Variants in GAP43 observed in about 807,000 individuals in gnomAD.
GAP43 encodes the protein neuromodulin.
A neutral mutation model predicts 18.6 loss-of-function variants in GAP43; 6 were observed. That is an observed-to-expected ratio of 0.32 (90% CI 0.18 to 0.64). The LOEUF (loss-of-function observed/expected upper bound fraction) is 0.64. Ranked by LOEUF, GAP43 falls within the 30% of genes least tolerant of loss-of-function variation. The probability of loss-of-function intolerance (pLI) is 0.78; values close to 1 mark genes in which losing one functional copy is unlikely to be tolerated. For missense variants in GAP43, 292 were observed against 295.5 expected (o/e 0.99, Z 0.09); for synonymous variants, 115 against 111.4 (o/e 1.03, Z -0.20).
chr3:115,644,547 T>C lies in GAP43; in HGVS notation c.30+20828T>C, dbSNP rs1457509231. Among the ~76,000 whole-genome samples the C allele has an allele frequency of 2.6e-5, 4 of 151,976 alleles. No individual in the cohort carries two copies. The highest frequency in any genetic ancestry group is 5.9e-5 in the Non-Finnish European group (4 of 67,960). On this transcript the variant is annotated intron_variant, in intron 1 of 2. Transcript: ENST00000305124. The surrounding 1 kb of genome is among the most constrained non-coding windows in gnomAD (Gnocchi z 4.2). ...TGGCAAAAACATTCCAAGATAAAAA[T>C]AGCAAGATCTTCTAGAAAAGATTTA...
At chr3:115,646,986 A>G (rs950941930) in intron 1 of GAP43, among the ~76,000 whole-genome samples, 1 of 151,872 alleles carries the variant, frequency 6.6e-6, no homozygotes, top group African/African-American at 2.4e-5. Context: ...CCCCACCAAC[A>G]AGGAGGGTGC....
In GAP43 at chr3:115,653,943, C is replaced by T. The variant is rs28370264; in HGVS notation, c.31-22070C>T. ...AATTAGCCCTAATGAACATTTTCTA[C>T]AATACATGGATCAAGAGTAGAGAGG... On this transcript the variant is annotated intron_variant, in intron 1 of 2. Transcript: ENST00000305124. Among the ~76,000 whole-genome samples, 769 of 152,178 alleles carry T rather than the reference C, an allele frequency of 5.1e-3. 6 individuals are homozygous for T. Among genetic ancestry groups the T allele is most frequent in the African/African-American group, 0.018 (736 of 41,500 alleles).
chr3:115,680,397 A>C (rs1178830303), intron 2 of GAP43, among the ~76,000 whole-genome samples: 1 of 152,152 alleles, frequency 6.6e-6, no homozygotes, highest in Non-Finnish European at 1.5e-5. Flanking sequence ...TCAAGGCTGC[A>C]GTGAGCCATT....
At chr3:115,643,126 C>T (rs956258658) in intron 1 of GAP43, among the ~76,000 whole-genome samples, 3 of 152,056 alleles carry the variant, frequency 2.0e-5, no homozygotes, top group Non-Finnish European at 2.9e-5. Flanking sequence ...CAGGCTGCCT[C>T]TACTTAGAAA....
chr3:115,657,307 T>C (rs770296653), intron 1 of GAP43, among the ~76,000 whole-genome samples: 24 of 152,140 alleles, frequency 1.6e-4, no homozygotes, highest in Admixed American at 1.3e-4. Flanking sequence ...TAGGTGTGTG[T>C]TCACCCCCAG....
chr3:115,642,034 A>G (rs1249355646), intron 1 of GAP43, among the ~76,000 whole-genome samples: 1 of 152,028 alleles, frequency 6.6e-6, no homozygotes, highest in Non-Finnish European at 1.5e-5. Context: ...TTTATGCTCA[A>G]GGCCATTCAA....
rs746404947 is a variant in GAP43, at chr3:115,676,185, A to G, written c.203A>G (p.Lys68Arg). Residue 68 changes from lysine to arginine, a missense_variant, in exon 2 of 3, where the codon AAG (lysine) becomes AGG (arginine). By Grantham distance (26) the Lys-to-Arg change is conservative. Transcript: ENST00000305124. ...DVQAAEAEAN[K>R]KDEAPVADGV... The stretch of plus-strand genomic sequence containing the variant: ...CAAGCTGCTGAGGCTGAAGCTAATA[A>G]GAAGGATGAAGCCCCTGTTGCCGAT... The G allele has an allele frequency of 5.0e-6, 8 of 1,614,060 alleles. No individual in the cohort carries two copies. The highest frequency in any genetic ancestry group is 2.7e-5 in the African/African-American group (2 of 74,922).
intron 1 of GAP43, among the ~76,000 whole-genome samples, chr3:115,647,370 A>G (rs1438053791): frequency 6.6e-6 from 1 of 152,084 alleles, no homozygotes; most frequent in Non-Finnish European, 1.5e-5. Flanking sequence ...TTCTAATAGC[A>G]GTGGGAACTA....
At chr3:115,649,811 A>AG (rs1708500273) in intron 1 of GAP43, among the ~76,000 whole-genome samples, 1 of 85,890 alleles carries the variant, frequency 1.2e-5, no homozygotes, top group African/African-American at 3.9e-5. Context: ...CCCTGTCTCT[A>AG]AAAAAAAAAA....
intron 1 of GAP43, among the ~76,000 whole-genome samples, chr3:115,646,117 C>T (rs1182525968): frequency 1.3e-5 from 2 of 152,088 alleles, no homozygotes; most frequent in African/African-American, 4.8e-5. Flanking sequence ...CTAAGAATCT[C>T]CTATTATTCT....
intron 2 of GAP43, among the ~76,000 whole-genome samples, chr3:115,700,297 T>C (rs982254456): frequency 3.3e-5 from 5 of 152,176 alleles, no homozygotes; most frequent in Non-Finnish European, 7.3e-5. Flanking sequence ...GCCTGGCCAA[T>C]ATGAATAATG....
At chr3:115,719,177 A>G (rs1374295291) in intron 2 of GAP43, among the ~76,000 whole-genome samples, 2 of 152,216 alleles carry the variant, frequency 1.3e-5, no homozygotes, top group Non-Finnish European at 2.9e-5. Flanking sequence ...CTTTCCAAGA[A>G]TAATCAGCAC....
chr3:115,641,403 TACAC>T (rs1708393687), intron 1 of GAP43, among the ~76,000 whole-genome samples: 1 of 151,484 alleles, frequency 6.6e-6, no homozygotes, highest in African/African-American at 2.4e-5. Context: ...TGTGTATACA[TACAC>T]ACATAGGGGT....
chr3:115,629,397 GC>G (rs1290416078), intron 1 of GAP43, among the ~76,000 whole-genome samples: 1 of 141,114 alleles, frequency 7.1e-6, no homozygotes, highest in Non-Finnish European at 1.5e-5. Flanking sequence ...AATTCCAACA[GC>G]CCCCCTGCTC....
At chr3:115,674,743 C>T (rs28399386) in intron 1 of GAP43, among the ~76,000 whole-genome samples, 40 of 152,108 alleles carry the variant, frequency 2.6e-4, no homozygotes, top group Non-Finnish European at 5.1e-4. Context: ...TTGGACCACA[C>T]GCAAGAGAAA....
chr3:115,646,851 T>G (rs1708464017), intron 1 of GAP43, among the ~76,000 whole-genome samples: 1 of 151,972 alleles, frequency 6.6e-6, no homozygotes, highest in Non-Finnish European at 1.5e-5. Context: ...TCACTTCACT[T>G]TATATATTAA....
At chr3:115,689,958 G>C (rs748484208) in intron 2 of GAP43, among the ~76,000 whole-genome samples, 1 of 152,190 alleles carries the variant, frequency 6.6e-6, no homozygotes, top group Admixed American at 6.5e-5. Flanking sequence ...TGAAGAGCAG[G>C]GGAAGGCACT....
chr3:115,665,993 TGTGTGTGTGTGTGTGTG>T (rs1708728351), intron 1 of GAP43, among the ~76,000 whole-genome samples: 3 of 139,358 alleles, frequency 2.2e-5, no homozygotes, highest in South Asian at 2.3e-4. Context: ...TAAATGAGTG[TGTGTGTGTGTGTGTGTG>T]TGTGTGTGTG....
intron 1 of GAP43, among the ~76,000 whole-genome samples, chr3:115,667,202 A>G (rs1708745102): frequency 1.3e-5 from 2 of 152,208 alleles, no homozygotes; most frequent in African/African-American, 4.8e-5. Flanking sequence ...AAAAACAGAT[A>G]AAGTTCTGTT....
Sources: gnomAD v4.1 joint callset for allele counts (sites outside exome capture counted in the v4.1 genomes callset) on GRCh38, gnomAD v4.1.1 for gene constraint, Gnocchi (gnomAD v3.1) non-coding constraint, MANE v1.5 for transcripts, NCBI Gene and HGNC (gene_info 2026-07-23, HGNC 2026-07-21) for gene names.